Variants in PDS5B observed in about 807,000 individuals in gnomAD.
The protein encoded by PDS5B is PDS5 cohesin associated factor B.
Under a neutral mutation model 184.1 loss-of-function variants are expected in PDS5B, and 51 were observed. The observed-to-expected ratio is 0.28, with a 90% CI of 0.22 to 0.35. PDS5B has a LOEUF of 0.35. Ranked by LOEUF, PDS5B falls within the 10% of genes least tolerant of loss-of-function variation. The pLI is 1.00. For synonymous variants in PDS5B, 566 were observed against 569.2 expected, an observed-to-expected ratio of 0.99 and a Z score of 0.08; for missense variants, 1,180 against 1,723.3, an observed-to-expected ratio of 0.68 and a Z score of 5.58.
rs187089601 is a variant in PDS5B, at chr13:32,708,320, G to A, written c.1962+1281G>A. ...CCTTGGCAAAGCCAAGAATCCTTGC[G>A]GGCTAATCCTCACTTTGGGACTCTC... On this transcript the variant is annotated intron_variant, in intron 18 of 34. Coordinates refer to ENST00000315596, the MANE Select transcript of PDS5B (RefSeq NM_015032.4). 6.9e-3 allele frequency among the ~76,000 whole-genome samples: 1,045 copies of A among 152,194 alleles called. 10 individuals carry two copies. The highest frequency in any genetic ancestry group is 0.037 in the South Asian group (178 of 4,826).
chr13:32,620,753 G>T (rs544105873), intron 1 of PDS5B, among the ~76,000 whole-genome samples: 2 of 152,170 alleles, frequency 1.3e-5, no homozygotes, highest in Non-Finnish European at 2.9e-5. Context: ...AAGAATGGTG[G>T]TGTTAGTTTT....
At chr13:32,703,332 G>A (rs1951916635) in intron 17 of PDS5B, among the ~76,000 whole-genome samples, 2 of 152,144 alleles carry the variant, frequency 1.3e-5, no homozygotes, top group Non-Finnish European at 2.9e-5. Context: ...GATGGAGGAG[G>A]TTTTCAGAAG....
At chr13:32,753,279 T>A in intron 24 of PDS5B, 53 bp from the exon 25 acceptor site, 1 of 1,431,390 alleles carries the variant, frequency 7.0e-7, no homozygotes, top group Non-Finnish European at 9.8e-7. Context: ...TATCTGAAGT[T>A]GTTACTCTTT....
At chr13:32,753,260 C>T in intron 24 of PDS5B, 72 bp from the exon 25 acceptor site, 1 of 1,282,782 alleles carries the variant, frequency 7.8e-7, no homozygotes, top group Non-Finnish European at 1.1e-6. Context: ...CTTAAAATAG[C>T]AAATTTTATA....
intron 14 of PDS5B, among the ~76,000 whole-genome samples, chr13:32,696,542 C>T (rs1951709121): frequency 1.3e-5 from 2 of 150,908 alleles, no homozygotes; most frequent in Non-Finnish European, 3.0e-5. Context: ...CCTGTTCTTT[C>T]AGCTCTAAAA....
intron 33 of PDS5B, among the ~76,000 whole-genome samples, chr13:32,772,671 A>T (rs1361660605): frequency 6.6e-6 from 1 of 152,154 alleles, no homozygotes. Context: ...AGGTTTACAA[A>T]ATTATTCTCA....
chr13:32,727,027 A>G (rs1952925263), intron 19 of PDS5B, among the ~76,000 whole-genome samples: 2 of 152,234 alleles, frequency 1.3e-5, no homozygotes, highest in East Asian at 3.9e-4. Flanking sequence ...CCAATTTGAC[A>G]AACTGTTTCA....
intron 25 of PDS5B, among the ~76,000 whole-genome samples, chr13:32,754,032 A>G (rs906085976): frequency 6.6e-5 from 10 of 152,150 alleles, no homozygotes; most frequent in African/African-American, 2.2e-4. Flanking sequence ...TCACTCAGAA[A>G]TCAGAGGCAT....
intron 1 of PDS5B, among the ~76,000 whole-genome samples, chr13:32,617,204 C>T (rs1483990865): frequency 6.6e-6 from 1 of 152,188 alleles, no homozygotes; most frequent in Non-Finnish European, 1.5e-5. Flanking sequence ...TCTGTTTTAT[C>T]CTAAGCCATT....
At chr13:32,630,100 G>C (rs1216728194) in intron 1 of PDS5B, among the ~76,000 whole-genome samples, 1 of 152,206 alleles carries the variant, frequency 6.6e-6, no homozygotes, top group Non-Finnish European at 1.5e-5. Flanking sequence ...ATTAGAAGCA[G>C]TGTTCCTTAA....
chr13:32,599,819 G>A (rs2057944766), intron 1 of PDS5B, among the ~76,000 whole-genome samples: 1 of 152,054 alleles, frequency 6.6e-6, no homozygotes. Flanking sequence ...GGAAGCTGAG[G>A]CAGGAGAATG....
chr13:32,659,799 AC>A (rs1217246620), intron 6 of PDS5B, among the ~76,000 whole-genome samples: 1 of 152,166 alleles, frequency 6.6e-6, no homozygotes, highest in Non-Finnish European at 1.5e-5. Context: ...AGTTAGAAAT[AC>A]GGTTCTGTTA....
chr13:32,682,598 G>A (rs1038296875), intron 10 of PDS5B, among the ~76,000 whole-genome samples: 1 of 152,102 alleles, frequency 6.6e-6, no homozygotes, highest in East Asian at 1.9e-4. Context: ...TCTTATACAA[G>A]TATTTCTGTG....
intron 19 of PDS5B, among the ~76,000 whole-genome samples, chr13:32,716,941 G>A (rs1167572317): frequency 9.1e-6 from 1 of 110,412 alleles, no homozygotes; most frequent in African/African-American, 3.5e-5. Flanking sequence ...CCTTTTGCCC[G>A]GCCAGCCACC....
intron 1 of PDS5B, among the ~76,000 whole-genome samples, chr13:32,644,640 A>C (rs138380043): frequency 6.6e-6 from 1 of 152,254 alleles, no homozygotes; most frequent in East Asian, 1.9e-4. Flanking sequence ...AAAGCTTTTA[A>C]TGGATTGTCA....
At chr13:32,653,879 C>T (rs115291531) in intron 3 of PDS5B, among the ~76,000 whole-genome samples, 309 of 152,318 alleles carry the variant, frequency 2.0e-3, no homozygotes, top group African/African-American at 7.3e-3. Flanking sequence ...AAGACTGCTA[C>T]TGTACAATTT....
intron 11 of PDS5B, among the ~76,000 whole-genome samples, chr13:32,684,869 T>G (rs1207899010): frequency 6.6e-6 from 1 of 152,200 alleles, no homozygotes; most frequent in African/African-American, 2.4e-5. Flanking sequence ...ATCCCAGCAC[T>G]TTGGGAGGCT....
intron 5 of PDS5B, 114 bp downstream of exon 5, chr13:32,658,645 T>C: frequency 1.8e-6 from 1 of 564,824 alleles, no homozygotes; most frequent in South Asian, 2.6e-5. Context: ...AGATGTAACT[T>C]TTAACACACT....
intron 3 of PDS5B, among the ~76,000 whole-genome samples, chr13:32,653,775 T>C (rs12428283): frequency 0.38 from 58,339 of 152,048 alleles, 11,652 homozygotes; most frequent in Non-Finnish European, 0.44. Context: ...GATACTTAAT[T>C]GGTTTAAGGA....
Sources: allele counts gnomAD v4.1 joint callset (sites outside exome capture counted in the v4.1 genomes callset), GRCh38; gene constraint gnomAD v4.1.1; transcripts MANE v1.5; gene names NCBI Gene and HGNC (gene_info 2026-07-23, HGNC 2026-07-21).